TTLL5: variants seen among roughly 807,000 people sequenced by gnomAD.
TTLL5 encodes tubulin polyglutamylase TTLL5.
TTLL5 carries 132 observed loss-of-function variants against 168.4 expected under a neutral mutation model. That is an observed-to-expected ratio of 0.78 (90% CI 0.68 to 0.91). The LOEUF (loss-of-function observed/expected upper bound fraction) is 0.91. Among genes scored for constraint, TTLL5 ranks in the 40% least tolerant of loss-of-function variants. The pLI is 0.00. For missense variants in TTLL5, 1,545 were observed against 1,581.5 expected (o/e 0.98, Z 0.39); for synonymous variants, 546 against 558.6 (o/e 0.98, Z 0.32).
chr14:75,717,139 G>T (rs1804256216), intron 9 of TTLL5, among the ~76,000 whole-genome samples: 1 of 151,882 alleles, frequency 6.6e-6, no homozygotes, highest in Non-Finnish European at 1.5e-5. Context: ...TGGGCACTCA[G>T]TCGGTGTTTC....
chr14:75,702,967 T>C (rs1033777153), intron 7 of TTLL5, among the ~76,000 whole-genome samples: 2 of 152,194 alleles, frequency 1.3e-5, no homozygotes, highest in African/African-American at 4.8e-5. Context: ...TACCCAGACC[T>C]GCAAACCATG....
At chr14:75,799,860 T>A (rs1395626656) in intron 27 of TTLL5, among the ~76,000 whole-genome samples, 1 of 152,224 alleles carries the variant, frequency 6.6e-6, no homozygotes, top group East Asian at 1.9e-4. Flanking sequence ...GGTTTTCCTT[T>A]ATAGGTTACC....
chr14:75,665,685 C>A (rs541287675), intron 2 of TTLL5, among the ~76,000 whole-genome samples: 1 of 152,204 alleles, frequency 6.6e-6, no homozygotes, highest in African/African-American at 2.4e-5. Context: ...ATGGTGAAAC[C>A]CTGTCTCTAC....
intron 29 of TTLL5, among the ~76,000 whole-genome samples, chr14:75,881,885 A>T (rs1460715525): frequency 1.3e-5 from 2 of 152,196 alleles, no homozygotes; most frequent in Non-Finnish European, 1.5e-5. Flanking sequence ...TTAAGCATCT[A>T]CTTGAAGGAA....
At chr14:75,736,387 CA>C (rs150371806) in intron 15 of TTLL5, among the ~76,000 whole-genome samples, 2,328 of 152,132 alleles carry the variant, frequency 0.015, 78 homozygotes, top group African/African-American at 0.053. Flanking sequence ...ATTATTTATT[CA>C]GATAATTTTT....
At chr14:75,842,223 A>G (rs889705513) in intron 28 of TTLL5, among the ~76,000 whole-genome samples, 2 of 152,220 alleles carry the variant, frequency 1.3e-5, no homozygotes, top group South Asian at 4.1e-4. Context: ...TCTGGAGTAC[A>G]GAAACATGCC....
intron 31 of TTLL5, among the ~76,000 whole-genome samples, chr14:75,912,059 G>T (rs1339931972): frequency 2.0e-5 from 1 of 50,518 alleles, no homozygotes; most frequent in Non-Finnish European, 4.3e-5. Flanking sequence ...AGCAGCTCGG[G>T]TTAGCCCATC....
chr14:75,907,775 T>G (rs2033203014), intron 31 of TTLL5, among the ~76,000 whole-genome samples: 1 of 152,210 alleles, frequency 6.6e-6, no homozygotes, highest in Non-Finnish European at 1.5e-5. Context: ...ATTCTGATAC[T>G]AAGCAGCCTG....
At chr14:75,730,291 A>C (rs1307106005) in intron 12 of TTLL5, among the ~76,000 whole-genome samples, 1 of 152,256 alleles carries the variant, frequency 6.6e-6, no homozygotes, top group Non-Finnish European at 1.5e-5. Context: ...ATATTCTAAA[A>C]GATTACTGAA....
At chr14:75,786,650 A>G (rs1892380126) in intron 26 of TTLL5, among the ~76,000 whole-genome samples, 2 of 152,178 alleles carry the variant, frequency 1.3e-5, no homozygotes, top group African/African-American at 4.8e-5. Context: ...TAGGAGTAAG[A>G]TTTTATTTAA....
rs778757743 is a variant in TTLL5 at position 75,745,526 on chromosome 14, C to T, written c.1432C>T (p.Arg478Trp). The T allele has an allele frequency of 1.1e-5, 17 of 1,613,638 alleles. No homozygotes were observed. The Admixed American group carries it at 1.5e-4, about 14-fold the overall frequency. Reference sequence around the variant, plus strand: ...ACGAAGGGTGAAGGAGGAGAATGATCGGCGAGGTGGATTTATTCGCATATT... The same window carrying T: ...ACGAAGGGTGAAGGAGGAGAATGATTGGCGAGGTGGATTTATTCGCATATT... ...VLRRVKEEND[R>W]RGGFIRIFPT... The change falls in exon 17 of 32, where the codon CGG (arginine) becomes TGG (tryptophan). Residue 478 changes from arginine (R) to tryptophan (W), a missense_variant. Coordinates refer to ENST00000298832, the MANE Select transcript of TTLL5 (RefSeq NM_015072.5).
intron 30 of TTLL5, among the ~76,000 whole-genome samples, chr14:75,886,336 T>G (rs1008326775): frequency 5.3e-5 from 8 of 152,236 alleles, no homozygotes; most frequent in African/African-American, 1.9e-4. Context: ...CCTGTTTCTT[T>G]ATGATAATAC....
chr14:75,943,245 C>T (rs1021561912), intron 31 of TTLL5, among the ~76,000 whole-genome samples: 2 of 152,096 alleles, frequency 1.3e-5, no homozygotes, highest in African/African-American at 2.4e-5. Context: ...ACTCTGTACC[C>T]GAATTATGGC....
At chr14:75,793,216 G>A (rs1892820542) in intron 27 of TTLL5, 116 bp downstream of exon 27, 5 of 928,688 alleles carry the variant, frequency 5.4e-6, no homozygotes, top group Non-Finnish European at 5.9e-6. Flanking sequence ...TCTTGAATGA[G>A]TATTATTAAT....
intron 28 of TTLL5, among the ~76,000 whole-genome samples, chr14:75,850,747 A>G (rs1240165481): frequency 6.6e-6 from 1 of 152,196 alleles, no homozygotes. Flanking sequence ...AGCCTTTCAC[A>G]TGAGTTCAAA....
chr14:75,698,112 T>C (rs898599089), intron 6 of TTLL5, among the ~76,000 whole-genome samples: 1 of 152,228 alleles, frequency 6.6e-6, no homozygotes, highest in Non-Finnish European at 1.5e-5. Context: ...GAGGCACAGC[T>C]GGGACCAGTG....
At chr14:75,694,822 C>G (rs902095977) in intron 6 of TTLL5, among the ~76,000 whole-genome samples, 1 of 152,198 alleles carries the variant, frequency 6.6e-6, no homozygotes, top group African/African-American at 2.4e-5. Context: ...TTTATCACTT[C>G]CCTAATCAAT....
intron 10 of TTLL5, 43 bp downstream of exon 10, chr14:75,718,005 A>C: frequency 2.9e-5 from 46 of 1,565,874 alleles, no homozygotes; most frequent in Non-Finnish European, 3.5e-5. Context: ...TGTCAGTCTC[A>C]GATGTGGGTG....
At position 75,856,739 on chromosome 14, in the gene TTLL5, G is replaced by A. The variant is rs1035398659; in HGVS notation, c.3327-6928G>A. Among the ~76,000 whole-genome samples, 5 of 148,932 alleles carry A rather than the reference G, an allele frequency of 3.4e-5. No individual in the cohort carries two copies. In the South Asian group the frequency reaches 6.4e-4, roughly 19 times the overall value. On this transcript the variant is annotated intron_variant, in intron 28 of 31. Transcript: ENST00000298832. ...CCTCCCGGGTTCAAGTGATTCTCCT[G>A]CCTCAGAATCCCCAGTAGCTGGGAC...
Sources: allele counts gnomAD v4.1 joint callset (sites outside exome capture counted in the v4.1 genomes callset), GRCh38; gene constraint gnomAD v4.1.1; transcripts MANE v1.5; gene names NCBI Gene and HGNC (gene_info 2026-07-23, HGNC 2026-07-21).